Variants in CAST observed in about 807,000 individuals in gnomAD.
CAST encodes calpastatin.
In CAST, 76 loss-of-function variants were observed where a neutral mutation model predicts 119.6. The observed-to-expected ratio is 0.64, with a 90% CI of 0.53 to 0.77. The LOEUF is 0.77. Ranked by LOEUF, CAST falls within the 30% of genes least tolerant of loss-of-function variation. The pLI is 0.00. For synonymous variants in CAST, 319 were observed against 331.6 expected, an observed-to-expected ratio of 0.96 and a Z score of 0.41; for missense variants, 953 against 946.5, an observed-to-expected ratio of 1.01 and a Z score of -0.09.
At chr5:96,702,086 G>A (rs1753973959) in intron 3 of CAST, among the ~76,000 whole-genome samples, 1 of 152,110 alleles carries the variant, frequency 6.6e-6, no homozygotes, top group African/African-American at 2.4e-5. Context: ...TGAGGTCTGT[G>A]TTCCTCAAAC....
the CAST span, among the ~76,000 whole-genome samples, chr5:96,094,705 A>G: frequency 6.6e-6 from 1 of 152,180 alleles, no homozygotes; most frequent in Admixed American, 6.5e-5. Context: ...ACTTTAAATC[A>G]TGACTTTTCC....
chr5:96,729,173 A>T lies in CAST; in HGVS notation c.399A>T (p.Lys133Asn). Residue 133 changes from lysine to asparagine, a missense_variant, in exon 7 of 32, where the codon AAA becomes AAT. Lys to Asn is a moderately conservative substitution (Grantham distance 94). Coordinates refer to ENST00000675179, the MANE Select transcript of CAST (RefSeq NM_001750.7). ...GACAGCTGTCTGTGGTTCATGAGAA[A>T]AAATCCCAAGAAGGAAAGCCAAAAG... ...QSTKLSVVHE[K>N]KSQEGKPKEH... 2 of 1,603,188 alleles carry T rather than the reference A, an allele frequency of 1.2e-6. No individual in the cohort carries two copies. The highest frequency in any genetic ancestry group is 1.7e-6 in the Non-Finnish European group (2 of 1,170,848).
chr5:96,198,789 C>T, the CAST span, among the ~76,000 whole-genome samples: 10 of 152,164 alleles, frequency 6.6e-5, no homozygotes, highest in East Asian at 3.9e-4. Flanking sequence ...ACATCATTCC[C>T]GGACCTGTGG....
chr5:96,348,887 T>A, the CAST span, among the ~76,000 whole-genome samples: 1 of 152,098 alleles, frequency 6.6e-6, no homozygotes, highest in Non-Finnish European at 1.5e-5. Flanking sequence ...GTAACGGAAG[T>A]GGTGTTCCAC....
chr5:96,683,646 C>T (rs147635722), intron 2 of CAST, among the ~76,000 whole-genome samples: 17 of 152,192 alleles, frequency 1.1e-4, no homozygotes, highest in African/African-American at 3.4e-4. Flanking sequence ...TGTGTGGTCC[C>T]GGTACATTTG....
the CAST span, among the ~76,000 whole-genome samples, chr5:96,264,442 C>T: frequency 6.6e-6 from 1 of 152,056 alleles, no homozygotes; most frequent in East Asian, 1.9e-4. Flanking sequence ...CTGATGGGAA[C>T]ATAAATGGGA....
At chr5:96,446,605 T>C in the CAST span, among the ~76,000 whole-genome samples, 1 of 152,180 alleles carries the variant, frequency 6.6e-6, no homozygotes, top group African/African-American at 2.4e-5. Context: ...CTTTTGCATC[T>C]CTAAAAATAA....
chr5:96,531,799 A>G (rs1262582854), intron 1 of CAST, among the ~76,000 whole-genome samples: 2 of 152,208 alleles, frequency 1.3e-5, no homozygotes, highest in Non-Finnish European at 2.9e-5. Flanking sequence ...CTCATAACAC[A>G]AGAAAAGTTT....
chr5:96,021,887 C>A, the CAST span, among the ~76,000 whole-genome samples: 2 of 152,120 alleles, frequency 1.3e-5, no homozygotes, highest in Admixed American at 1.3e-4. Flanking sequence ...ACATCAAAAA[C>A]AGTTGGTCTT....
intron 1 of CAST, among the ~76,000 whole-genome samples, chr5:96,675,212 T>C (rs1340381914): frequency 2.6e-5 from 4 of 152,182 alleles, no homozygotes; most frequent in Non-Finnish European, 5.9e-5. Context: ...TTATCTCATC[T>C]CCTTGATGAA....
intron 20 of CAST, among the ~76,000 whole-genome samples, chr5:96,752,892 C>G (rs1001367474): frequency 2.3e-4 from 35 of 151,682 alleles, no homozygotes; most frequent in Non-Finnish European, 4.0e-4. Context: ...TATTGCAACC[C>G]CATCCCCATA....
the CAST span, among the ~76,000 whole-genome samples, chr5:96,368,593 TCTGATTCGCTCCAGTAGGAAGTGG>T: frequency 2.6e-5 from 4 of 152,038 alleles, no homozygotes; most frequent in Admixed American, 2.6e-4. Context: ...CTTGGAGCCT[TCTGATTCGCTCCAGTAGGAAGTGG>T]CTGATCTCTC....
chr5:96,246,678 T>C, the CAST span, among the ~76,000 whole-genome samples: 1 of 152,184 alleles, frequency 6.6e-6, no homozygotes, highest in East Asian at 1.9e-4. Context: ...ACATCTACCT[T>C]TTTAAGTCTC....
At chr5:95,966,091 G>T in the CAST span, among the ~76,000 whole-genome samples, 1 of 152,130 alleles carries the variant, frequency 6.6e-6, no homozygotes, top group Admixed American at 6.5e-5. Flanking sequence ...AGAGGCTCAA[G>T]AGTTTCTTTT....
At chr5:96,382,566 A>G in the CAST span, among the ~76,000 whole-genome samples, 10 of 152,236 alleles carry the variant, frequency 6.6e-5, no homozygotes, top group Non-Finnish European at 1.3e-4. Flanking sequence ...CATACCAGGC[A>G]TTGTGCTAGG....
the CAST span, among the ~76,000 whole-genome samples, chr5:96,431,048 C>CA: frequency 1.3e-5 from 2 of 152,154 alleles, no homozygotes; most frequent in Admixed American, 6.5e-5. Flanking sequence ...ACACGGTTAC[C>CA]AGTGCTATTT....
chr5:96,704,039 T>A (rs925982654), intron 3 of CAST, among the ~76,000 whole-genome samples: 1 of 152,154 alleles, frequency 6.6e-6, no homozygotes, highest in Admixed American at 6.5e-5. Context: ...TAGTGAAATT[T>A]AGCAAAATCT....
the CAST span, among the ~76,000 whole-genome samples, chr5:96,254,543 T>C: frequency 6.6e-6 from 1 of 152,180 alleles, no homozygotes; most frequent in African/African-American, 2.4e-5. Flanking sequence ...TCCTTTCTTA[T>C]TTAATTCCTA....
chr5:96,211,865 G>C, the CAST span, among the ~76,000 whole-genome samples: 1 of 152,078 alleles, frequency 6.6e-6, no homozygotes, highest in African/African-American at 2.4e-5. Flanking sequence ...GTTGTACTTT[G>C]TGATTTTCAA....
Sources: gnomAD v4.1 joint callset for allele counts (sites outside exome capture counted in the v4.1 genomes callset) on GRCh38, gnomAD v4.1.1 for gene constraint, MANE v1.5 for transcripts, NCBI Gene and HGNC (gene_info 2026-07-23, HGNC 2026-07-21) for gene names.